The following ADD3 variants were observed in gnomAD, a reference collection of about 807,000 sequenced individuals.
The protein encoded by ADD3 is adducin 3, also known as gamma-adducin.
A neutral mutation model predicts 80.2 loss-of-function variants in ADD3; 25 were observed. The observed-to-expected ratio is 0.31, with a 90% CI of 0.23 to 0.44. The LOEUF is 0.44. ADD3 is among the 20% of genes least tolerant of loss of function. The pLI, the probability that ADD3 is intolerant of heterozygous loss-of-function variation, is 1.00. For missense variants in ADD3, 829 were observed against 847.5 expected, an observed-to-expected ratio of 0.98 and a Z score of 0.27; for synonymous variants, 284 against 289.6, an observed-to-expected ratio of 0.98 and a Z score of 0.20.
rs189143605 is a variant in ADD3, at chr10:110,096,593, G to C, written c.-29-4032G>C. 5.3e-5 allele frequency among the ~76,000 whole-genome samples: 8 copies of C among 152,130 alleles called. No homozygotes were observed. The East Asian group carries it at 1.5e-3, about 29-fold the overall frequency. On this transcript the variant is annotated intron_variant, in intron 1 of 14. Coordinates refer to ENST00000356080, the MANE Select transcript of ADD3 (RefSeq NM_016824.5). ...TCATTCATGTTGCGATAGTTAGCTG[G>C]GGGGGGTCTGCTGGGAACCTGGCTT...
intron 8 of ADD3, among the ~76,000 whole-genome samples, chr10:110,120,610 A>G (rs532125261): frequency 6.6e-6 from 1 of 152,230 alleles, no homozygotes; most frequent in South Asian, 2.1e-4. Context: ...GGCTGGGTCA[A>G]ATGGTATTTC....
chr10:110,129,704 A>G (rs1301148225), intron 12 of ADD3, among the ~76,000 whole-genome samples: 1 of 152,148 alleles, frequency 6.6e-6, no homozygotes, highest in African/African-American at 2.4e-5. Flanking sequence ...TGAGGCTTCA[A>G]CTTTCTCAGC....
At chr10:110,089,624 A>G (rs940683964) in intron 1 of ADD3, among the ~76,000 whole-genome samples, 1 of 152,070 alleles carries the variant, frequency 6.6e-6, no homozygotes, top group Non-Finnish European at 1.5e-5. Context: ...TGGGTTCTGT[A>G]AGATACTTGA....
intron 1 of ADD3, among the ~76,000 whole-genome samples, chr10:110,019,322 A>C (rs183957733): frequency 4.7e-5 from 7 of 150,078 alleles, no homozygotes; most frequent in African/African-American, 1.7e-4. Context: ...CTGTAACTCT[A>C]TTCAAGACAT....
chr10:110,032,235 A>G (rs1169010166), intron 1 of ADD3, among the ~76,000 whole-genome samples: 1 of 152,244 alleles, frequency 6.6e-6, no homozygotes, highest in Non-Finnish European at 1.5e-5. Context: ...TCATCTCTTA[A>G]TGGCCATGTC....
chr10:110,119,637 G>T, intron 8 of ADD3, 73 bp downstream of exon 8: 1 of 1,309,132 alleles, frequency 7.6e-7, no homozygotes, highest in African/African-American at 1.5e-5. Flanking sequence ...GTACTTATTT[G>T]CAAATACATA....
In ADD3 at chr10:110,116,382, G is replaced by A; in HGVS notation, c.458G>A (p.Trp153Ter). Reference sequence around the variant, plus strand: ...TACAGACTTGTAGACTTGTTTGGATGGGCACACCTGGCAAATACCTATATC... The same window carrying A: ...TACAGACTTGTAGACTTGTTTGGATAGGCACACCTGGCAAATACCTATATC... ...SLYRLVDLFG[W>*]AHLANTYISV... Residue 153 changes from tryptophan to a stop codon, truncating the protein, a stop_gained, in exon 4 of 15, where the codon TGG (tryptophan) becomes TAG (stop). Coordinates refer to ENST00000356080, the MANE Select transcript of ADD3 (RefSeq NM_016824.5). LOFTEE classifies it high-confidence loss of function. 5.0e-6 allele frequency: 8 copies of A among 1,614,006 alleles called. No homozygotes were observed. Among genetic ancestry groups the A allele is most frequent in the Non-Finnish European group, 6.8e-6 (8 of 1,179,948 alleles).
chr10:110,131,992 C>T (rs144215242), intron 13 of ADD3, among the ~76,000 whole-genome samples: 6 of 152,236 alleles, frequency 3.9e-5, no homozygotes, highest in Non-Finnish European at 8.8e-5. Context: ...CATCTGTCTG[C>T]GCAGTATGTT....
At chr10:110,124,384 A>T in intron 10 of ADD3, 110 bp downstream of exon 10, 2 of 1,283,274 alleles carry the variant, frequency 1.6e-6, no homozygotes, top group Non-Finnish European at 2.1e-6. Flanking sequence ...TATTAAAAAT[A>T]TTACTGTCAC....
chr10:110,014,264 C>CA (rs1439879676), intron 1 of ADD3, among the ~76,000 whole-genome samples: 2 of 152,032 alleles, frequency 1.3e-5, no homozygotes, highest in Non-Finnish European at 2.9e-5. Context: ...TAATACATGA[C>CA]AAAAAAATTC....
intron 1 of ADD3, among the ~76,000 whole-genome samples, chr10:110,093,703 A>G (rs1847825009): frequency 6.6e-6 from 1 of 152,134 alleles, no homozygotes; most frequent in South Asian, 2.1e-4. Context: ...TATACCATTT[A>G]TCTGCCTGCT....
intron 13 of ADD3, 87 bp downstream of exon 13, chr10:110,130,573 T>C (rs1445204406): frequency 4.1e-6 from 6 of 1,455,196 alleles, no homozygotes; most frequent in Non-Finnish European, 5.6e-6. Context: ...GCAGTCAGTG[T>C]GGCCGGGCAC....
intron 1 of ADD3, among the ~76,000 whole-genome samples, chr10:110,057,849 A>G (rs1435421016): frequency 6.6e-6 from 1 of 152,264 alleles, no homozygotes; most frequent in Non-Finnish European, 1.5e-5. Context: ...GAAATAATCC[A>G]TAGGAGCTAA....
intron 3 of ADD3, among the ~76,000 whole-genome samples, chr10:110,113,119 G>T (rs1206588751): frequency 6.6e-6 from 1 of 152,128 alleles, no homozygotes; most frequent in Non-Finnish European, 1.5e-5. Flanking sequence ...GATGATATAA[G>T]ACATGATTCT....
rs375430559 is a variant in ADD3 at position 110,018,891 on chromosome 10, C to T, written c.-30+10592C>T. 3.2e-4 allele frequency among the ~76,000 whole-genome samples: 49 copies of T among 152,258 alleles called. 1 individual carries two copies. Among genetic ancestry groups the T allele is most frequent in the East Asian group, 2.5e-3 (13 of 5,184 alleles). ...ATGTAGACTTTTAACAGTGCTCCCT[C>T]TTAACTCCATATGAAAATTCCTGCT... On this transcript the variant is annotated intron_variant, in intron 1 of 14. Transcript: ENST00000356080.
At chr10:110,133,115 C>T (rs557409079) in intron 14 of ADD3, among the ~76,000 whole-genome samples, 62 of 152,158 alleles carry the variant, frequency 4.1e-4, no homozygotes, top group African/African-American at 1.4e-3. Flanking sequence ...AGCTTTTGCT[C>T]TTTGGTTTAA....
chr10:110,066,469 G>A (rs765769943), intron 1 of ADD3, among the ~76,000 whole-genome samples: 2 of 152,026 alleles, frequency 1.3e-5, no homozygotes, highest in Non-Finnish European at 2.9e-5. Flanking sequence ...TCCTGACCTC[G>A]TGATCCACCC....
intron 1 of ADD3, among the ~76,000 whole-genome samples, chr10:110,028,056 T>G (rs892804908): frequency 3.9e-5 from 6 of 152,184 alleles, no homozygotes; most frequent in Non-Finnish European, 8.8e-5. Context: ...TTTATTTGCT[T>G]CATACATAGA....
intron 1 of ADD3, among the ~76,000 whole-genome samples, chr10:110,081,501 G>A (rs529380550): frequency 6.6e-6 from 1 of 152,258 alleles, no homozygotes; most frequent in African/African-American, 2.4e-5. Flanking sequence ...TGTTTTCAGT[G>A]TTTAAAAAGA....
Sources: gnomAD v4.1 joint callset for allele counts (sites outside exome capture counted in the v4.1 genomes callset) on GRCh38, gnomAD v4.1.1 for gene constraint, MANE v1.5 for transcripts, NCBI Gene and HGNC (gene_info 2026-07-23, HGNC 2026-07-21) for gene names.